The following IMPG1 variants were observed in gnomAD, a reference collection of about 807,000 sequenced individuals.
The protein encoded by IMPG1 is interphotoreceptor matrix proteoglycan of 150 kDa.
Under a neutral mutation model 92.0 loss-of-function variants are expected in IMPG1, and 85 were observed. That is an observed-to-expected ratio of 0.92 (90% CI 0.78 to 1.11). IMPG1 has a LOEUF of 1.11. IMPG1 is among the 50% of genes least tolerant of loss of function. The pLI, the probability that IMPG1 is intolerant of heterozygous loss-of-function variation, is 0.00. For missense variants in IMPG1, 1,022 were observed against 956.0 expected (o/e 1.07, Z -0.91); for synonymous variants, 367 against 334.1 (o/e 1.10, Z -1.08).
At chr6:75,936,299 T>A (rs866763653) in intron 14 of IMPG1, among the ~76,000 whole-genome samples, 5 of 152,360 alleles carry the variant, frequency 3.3e-5, no homozygotes, top group Middle Eastern at 3.4e-3. Context: ...CGGAGGTGGC[T>A]CATGATACCT....
At chr6:76,057,254 A>G (rs1784135774) in intron 1 of IMPG1, among the ~76,000 whole-genome samples, 1 of 152,136 alleles carries the variant, frequency 6.6e-6, no homozygotes, top group South Asian at 2.1e-4. Flanking sequence ...ATGTTTACCT[A>G]TACAACAAAC....
intron 15 of IMPG1, among the ~76,000 whole-genome samples, chr6:75,930,142 T>G (rs1351766708): frequency 1.3e-5 from 2 of 152,234 alleles, no homozygotes; most frequent in Non-Finnish European, 2.9e-5. Context: ...GAGAGGCCTT[T>G]GTATCTTGCC....
At chr6:75,924,711 AT>A (rs1781515663) in intron 15 of IMPG1, among the ~76,000 whole-genome samples, 3 of 24,874 alleles carry the variant, frequency 1.2e-4, no homozygotes, top group Non-Finnish European at 1.5e-4. Context: ...TATATAATAT[AT>A]AATATATAAT....
At chr6:76,004,480 C>T (rs545348822) in intron 10 of IMPG1, among the ~76,000 whole-genome samples, 2 of 152,124 alleles carry the variant, frequency 1.3e-5, no homozygotes, top group African/African-American at 4.8e-5. Flanking sequence ...CTCAAGAGAC[C>T]TTTATGAAGT....
intron 12 of IMPG1, among the ~76,000 whole-genome samples, chr6:75,976,771 G>A (rs1782543691): frequency 1.3e-5 from 2 of 152,054 alleles, no homozygotes; most frequent in South Asian, 4.2e-4. Flanking sequence ...AACTAGCCGG[G>A]CGTGGTGGCA....
At chr6:76,028,692 T>A (rs2149486061) in intron 4 of IMPG1, among the ~76,000 whole-genome samples, 1 of 152,204 alleles carries the variant, frequency 6.6e-6, no homozygotes, top group East Asian at 1.9e-4. Context: ...CAGCCAGGCA[T>A]GGTGGTGGGT....
At chr6:76,029,226 C>T (rs1256277191) in intron 4 of IMPG1, among the ~76,000 whole-genome samples, 1 of 152,222 alleles carries the variant, frequency 6.6e-6, no homozygotes, top group Non-Finnish European at 1.5e-5. Flanking sequence ...AGGAGGGGAT[C>T]ACCCAACTCA....
chr6:75,995,515 TCC>T (rs1208231333), intron 12 of IMPG1, among the ~76,000 whole-genome samples: 2 of 152,152 alleles, frequency 1.3e-5, no homozygotes, highest in Non-Finnish European at 2.9e-5. Flanking sequence ...TCACCACCCC[TCC>T]TCAGTTTTTA....
In IMPG1 at chr6:76,018,489, G is replaced by T. The variant is rs139877639; in HGVS notation, c.807+229C>A. On this transcript the variant is annotated intron_variant, in intron 7 of 16. Transcript: ENST00000369950. ...CCGAAACTGTGGATAGAGGGGGCAG[G>T]TGGGGACCACTGCAAGTTTTGAGAA... Among the ~76,000 whole-genome samples, 208 of 152,348 alleles carry T rather than the reference G, an allele frequency of 1.4e-3. 1 individual carries two copies. Among genetic ancestry groups the T allele is most frequent in the African/African-American group, 4.8e-3 (199 of 41,580 alleles).
intron 2 of IMPG1, among the ~76,000 whole-genome samples, chr6:76,038,734 C>A (rs1369361233): frequency 6.6e-6 from 1 of 152,210 alleles, no homozygotes; most frequent in Non-Finnish European, 1.5e-5. Context: ...CACTCCCACC[C>A]CAGTCTTCCC....
chr6:75,935,522 C>T (rs887784843), intron 14 of IMPG1, among the ~76,000 whole-genome samples: 3 of 152,176 alleles, frequency 2.0e-5, no homozygotes, highest in Non-Finnish European at 4.4e-5. Context: ...CTGGCTGCTG[C>T]GGGCAGCTGT....
At chr6:75,939,370 G>T (rs895310739) in intron 14 of IMPG1, among the ~76,000 whole-genome samples, 11 of 151,896 alleles carry the variant, frequency 7.2e-5, no homozygotes, top group African/African-American at 2.7e-4. Flanking sequence ...CCCACAACAG[G>T]CCCCGGTGTG....
intron 4 of IMPG1, among the ~76,000 whole-genome samples, chr6:76,033,732 A>T (rs2149487694): frequency 6.6e-6 from 1 of 152,358 alleles, no homozygotes; most frequent in Admixed American, 6.5e-5. Context: ...ATGTCATAAG[A>T]TGTATGTAAT....
intron 12 of IMPG1, among the ~76,000 whole-genome samples, chr6:75,988,685 C>T (rs902478582): frequency 6.6e-6 from 1 of 152,176 alleles, no homozygotes; most frequent in African/African-American, 2.4e-5. Flanking sequence ...GATGAACCTG[C>T]TTCCTTTAAC....
At chr6:76,045,441 C>T (rs1450004880) in intron 1 of IMPG1, among the ~76,000 whole-genome samples, 5 of 122,416 alleles carry the variant, frequency 4.1e-5, no homozygotes, top group East Asian at 4.9e-4. Context: ...CAACCTCCAT[C>T]TTTTTTTTTT....
At position 75,959,953 on chromosome 6, in the gene IMPG1, C is replaced by T. The variant is rs574050648; in HGVS notation, c.1292-8859G>A. Among the ~76,000 whole-genome samples the T allele has an allele frequency of 1.1e-4, 17 of 152,296 alleles. No individual in the cohort carries two copies. In the South Asian group the frequency reaches 2.1e-3, roughly 19 times the overall value. On this transcript the variant is annotated intron_variant, in intron 12 of 16. Coordinates refer to ENST00000369950, the MANE Select transcript of IMPG1 (RefSeq NM_001563.4). ...GCAGCTAGCTCAGTGTCTGCTCAAA[C>T]GGCTGCCCAGTTTTGTGCTTGAAAC...
At chr6:76,063,772 C>A (rs1784250715) in intron 1 of IMPG1, among the ~76,000 whole-genome samples, 1 of 152,226 alleles carries the variant, frequency 6.6e-6, no homozygotes, top group Non-Finnish European at 1.5e-5. Flanking sequence ...TGGGTGACTC[C>A]AAGAGAGCTG....
chr6:75,974,841 T>G (rs1156864033), intron 12 of IMPG1, among the ~76,000 whole-genome samples: 1 of 152,088 alleles, frequency 6.6e-6, no homozygotes. Flanking sequence ...GCAACAAATA[T>G]TCAACAGTTT....
At chr6:76,046,510 A>T (rs1001111631) in intron 1 of IMPG1, among the ~76,000 whole-genome samples, 1 of 152,192 alleles carries the variant, frequency 6.6e-6, no homozygotes, top group Non-Finnish European at 1.5e-5. Flanking sequence ...TTTAACTTAA[A>T]TATGTTCATT....
Sources: allele counts gnomAD v4.1 joint callset (sites outside exome capture counted in the v4.1 genomes callset), GRCh38; gene constraint gnomAD v4.1.1; transcripts MANE v1.5; gene names NCBI Gene and HGNC (gene_info 2026-07-23, HGNC 2026-07-21).